AGBL4: variants seen among roughly 807,000 people sequenced by gnomAD.
The protein encoded by AGBL4 is cytosolic carboxypeptidase 6.
AGBL4 carries 58 observed loss-of-function variants against 66.4 expected under a neutral mutation model. The ratio of observed to expected loss-of-function variants is 0.87; its 90% confidence interval spans 0.71 to 1.09. AGBL4 has a LOEUF of 1.09. Ranked by LOEUF, AGBL4 falls within the 50% of genes least tolerant of loss-of-function variation. The pLI, the probability that AGBL4 is intolerant of heterozygous loss-of-function variation, is 0.00. For missense variants in AGBL4, 579 were observed against 631.0 expected, an observed-to-expected ratio of 0.92 and a Z score of 0.88; for synonymous variants, 234 against 222.9, an observed-to-expected ratio of 1.05 and a Z score of -0.44.
At chr1:49,388,060 T>C (rs1356391668) in intron 3 of AGBL4, among the ~76,000 whole-genome samples, 1 of 152,112 alleles carries the variant, frequency 6.6e-6, no homozygotes, top group African/African-American at 2.4e-5. Flanking sequence ...AGGACAGTGG[T>C]TGACATTGTC....
At chr1:49,642,798 T>G (rs569191612) in intron 3 of AGBL4, among the ~76,000 whole-genome samples, 1 of 151,962 alleles carries the variant, frequency 6.6e-6, no homozygotes, top group African/African-American at 2.4e-5. Context: ...TAACAGTTTA[T>G]AAGAAAGATC....
intron 3 of AGBL4, among the ~76,000 whole-genome samples, chr1:49,314,006 A>G (rs978523075): frequency 8.5e-5 from 13 of 152,302 alleles, no homozygotes; most frequent in Non-Finnish European, 2.9e-5. Flanking sequence ...TTTAGGTCTT[A>G]CGTTTAACTC....
chr1:49,883,417 G>A (rs545543299), intron 1 of AGBL4, among the ~76,000 whole-genome samples: 7 of 152,132 alleles, frequency 4.6e-5, no homozygotes, highest in Non-Finnish European at 8.8e-5. Context: ...TGTTCCCACA[G>A]AACATTGTTT....
At chr1:48,550,121 A>G (rs1644227474) in intron 11 of AGBL4, among the ~76,000 whole-genome samples, 1 of 152,034 alleles carries the variant, frequency 6.6e-6, no homozygotes, top group South Asian at 2.1e-4. Flanking sequence ...AGAGTGTCCA[A>G]TCCATCACAG....
intron 1 of AGBL4, among the ~76,000 whole-genome samples, chr1:49,926,488 C>T (rs1652787301): frequency 6.6e-6 from 1 of 152,166 alleles, no homozygotes; most frequent in Admixed American, 6.5e-5. Context: ...GCCCAGACAC[C>T]ATCAAACATC....
intron 2 of AGBL4, chr1:49,845,338 G>A (rs1158059068): frequency 8.8e-6 from 13 of 1,472,682 alleles, no homozygotes; most frequent in African/African-American, 2.8e-5. Flanking sequence ...TGAGTGCAGT[G>A]TATGTGGGAA....
At chr1:48,651,455 C>T (rs1439249439) in intron 8 of AGBL4, among the ~76,000 whole-genome samples, 6 of 152,160 alleles carry the variant, frequency 3.9e-5, no homozygotes, top group African/African-American at 1.4e-4. Flanking sequence ...GTATTGACCT[C>T]TCTCTCTGAC....
At chr1:50,003,056 C>A (rs954216907) in intron 1 of AGBL4, among the ~76,000 whole-genome samples, 3 of 152,156 alleles carry the variant, frequency 2.0e-5, no homozygotes, top group Admixed American at 2.0e-4. Context: ...TCCAATGAGA[C>A]ATTCACCCAC....
intron 1 of AGBL4, among the ~76,000 whole-genome samples, chr1:49,982,854 CCAGGGTCTCCTCTCT>C (rs1659182486): frequency 6.6e-6 from 1 of 152,136 alleles, no homozygotes; most frequent in Non-Finnish European, 1.5e-5. Flanking sequence ...GCTACCCACT[CCAGGGTCTCCTCTCT>C]TCTGAGAGTT....
chr1:49,215,471 G>A (rs1000926078), intron 4 of AGBL4, among the ~76,000 whole-genome samples: 4 of 152,050 alleles, frequency 2.6e-5, no homozygotes, highest in Non-Finnish European at 4.4e-5. Flanking sequence ...GTCTAAATAT[G>A]CTGGAGGTTA....
chr1:49,815,449 G>A (rs1346503444), intron 2 of AGBL4, among the ~76,000 whole-genome samples: 1 of 152,036 alleles, frequency 6.6e-6, no homozygotes, highest in Non-Finnish European at 1.5e-5. Flanking sequence ...TCAAAATCTT[G>A]GCTATTATGA....
At chr1:48,874,151 G>A (rs892558147) in intron 5 of AGBL4, among the ~76,000 whole-genome samples, 1 of 152,130 alleles carries the variant, frequency 6.6e-6, no homozygotes, top group Non-Finnish European at 1.5e-5. Flanking sequence ...GGAGGACTTG[G>A]GGATCAACAC....
intron 1 of AGBL4, among the ~76,000 whole-genome samples, chr1:49,958,120 G>T (rs1335399367): frequency 6.6e-6 from 1 of 151,972 alleles, no homozygotes; most frequent in East Asian, 1.9e-4. Flanking sequence ...CACTTATGAA[G>T]CTTAGTTTGG....
At chr1:49,599,403 A>C (rs763112763) in intron 3 of AGBL4, among the ~76,000 whole-genome samples, 19 of 152,186 alleles carry the variant, frequency 1.2e-4, no homozygotes, top group Middle Eastern at 3.2e-3. Context: ...AGGTGTTTAC[A>C]GTATTTTCTG....
At chr1:49,919,819 C>T (rs9661276) in intron 1 of AGBL4, among the ~76,000 whole-genome samples, 9,507 of 151,696 alleles carry the variant, frequency 0.063, 414 homozygotes, top group Non-Finnish European at 0.093. Context: ...GGAGGCATCA[C>T]GCTACCTGAC....
intron 4 of AGBL4, among the ~76,000 whole-genome samples, chr1:49,216,488 T>C (rs985318358): frequency 6.6e-6 from 1 of 152,180 alleles, no homozygotes; most frequent in Admixed American, 6.6e-5. Flanking sequence ...AGCTCCCACT[T>C]ATAAGTGAGA....
intron 3 of AGBL4, among the ~76,000 whole-genome samples, chr1:49,656,020 G>C (rs1006857637): frequency 6.6e-6 from 1 of 152,046 alleles, no homozygotes; most frequent in African/African-American, 2.4e-5. Context: ...GGTGGCATGT[G>C]CCTTTAATCC....
chr1:49,958,931 C>A (rs1656884464), intron 1 of AGBL4, among the ~76,000 whole-genome samples: 1 of 151,322 alleles, frequency 6.6e-6, no homozygotes, highest in Admixed American at 6.6e-5. Context: ...CATATCCCAT[C>A]TTAGAGGAAA....
intron 3 of AGBL4, among the ~76,000 whole-genome samples, chr1:49,359,865 C>T (rs553227493): frequency 6.6e-6 from 1 of 152,190 alleles, no homozygotes; most frequent in East Asian, 1.9e-4. Flanking sequence ...TATCCTGGTT[C>T]GCCCAGAACC....
Sources: gnomAD v4.1 joint callset for allele counts (sites outside exome capture counted in the v4.1 genomes callset) on GRCh38, gnomAD v4.1.1 for gene constraint, MANE v1.5 for transcripts, NCBI Gene and HGNC (gene_info 2026-07-23, HGNC 2026-07-21) for gene names.